Variants in BCO1 observed in about 807,000 individuals in gnomAD.
The protein encoded by BCO1 is beta,beta-carotene 15,15'-dioxygenase.
Under a neutral mutation model 56.3 loss-of-function variants are expected in BCO1, and 54 were observed. That is an observed-to-expected ratio of 0.96 (90% CI 0.77 to 1.20). The LOEUF is 1.20. BCO1 is among the 50% of genes most tolerant of loss of function. BCO1 has a pLI of 0.00. For missense variants in BCO1, 801 were observed against 690.9 expected (o/e 1.16, Z -1.79); for synonymous variants, 318 against 266.1 (o/e 1.20, Z -1.90).
At chr16:81,267,545 G>A (rs750792367) in intron 5 of BCO1, among the ~76,000 whole-genome samples, 10 of 152,314 alleles carry the variant, frequency 6.6e-5, no homozygotes, top group East Asian at 1.9e-4. Context: ...CCTGGGAGGC[G>A]GAGATTGAAG....
At chr16:81,255,669 G>T (rs1035414640) in intron 2 of BCO1, among the ~76,000 whole-genome samples, 12 of 151,652 alleles carry the variant, frequency 7.9e-5, no homozygotes, top group African/African-American at 2.7e-4. Flanking sequence ...ACCACACCCA[G>T]CTAATTTTTG....
At chr16:81,240,286 C>T (rs1420800179) in intron 1 of BCO1, among the ~76,000 whole-genome samples, 1 of 152,088 alleles carries the variant, frequency 6.6e-6, no homozygotes, top group Non-Finnish European at 1.5e-5. Flanking sequence ...CTTTTTAAAA[C>T]ATAGGTAGAT....
chr16:81,272,836 C>T (rs757484584), intron 7 of BCO1, among the ~76,000 whole-genome samples: 42 of 152,286 alleles, frequency 2.8e-4, no homozygotes, highest in Admixed American at 3.3e-4. Context: ...CTGTGGGAAA[C>T]GTCCCTGTAG....
chr16:81,267,863 G>C (rs759421910), intron 5 of BCO1, 45 bp from the exon 6 acceptor site: 1 of 1,575,968 alleles, frequency 6.3e-7, no homozygotes, highest in South Asian at 1.1e-5. Flanking sequence ...TGGGGGGGCA[G>C]CCAGATCCTG....
At chr16:81,251,207 G>T (rs767698450) in intron 2 of BCO1, among the ~76,000 whole-genome samples, 3 of 152,090 alleles carry the variant, frequency 2.0e-5, no homozygotes, top group Non-Finnish European at 2.9e-5. Flanking sequence ...GAAACAAAAA[G>T]GCAGAAAATA....
intron 8 of BCO1, among the ~76,000 whole-genome samples, chr16:81,281,303 G>A (rs910960537): frequency 2.0e-5 from 3 of 152,012 alleles, no homozygotes; most frequent in East Asian, 1.9e-4. Flanking sequence ...AAAATTAGCC[G>A]GGTGTGGTGG....
intron 1 of BCO1, 44 bp downstream of exon 1, chr16:81,239,016 TATTA>T: frequency 6.5e-7 from 1 of 1,530,412 alleles, no homozygotes; most frequent in Non-Finnish European, 8.8e-7. Flanking sequence ...CTATTTATTT[TATTA>T]TTTTTTTTTT....
chr16:81,269,991 G>T (rs1167479210), intron 6 of BCO1, among the ~76,000 whole-genome samples, 168 bp from the exon 7 acceptor site: 1 of 152,142 alleles, frequency 6.6e-6, no homozygotes, highest in Non-Finnish European at 1.5e-5. Context: ...CTCTCATTTT[G>T]GGGGGCACTT....
intron 1 of BCO1, among the ~76,000 whole-genome samples, chr16:81,241,069 G>A (rs1267561555): frequency 2.0e-5 from 3 of 152,224 alleles, no homozygotes; most frequent in Middle Eastern, 6.8e-3. Flanking sequence ...CCCAACCTCA[G>A]TTGATCCGCC....
Position 81,268,085 on chromosome 16 carries a change from G to A in BCO1, c.797G>A (p.Arg266Gln), listed in dbSNP as rs142844835. 1.3e-4 allele frequency: 210 copies of A among 1,612,362 alleles called. No individual in the cohort carries two copies. Among genetic ancestry groups the A allele is most frequent in the African/African-American group, 2.5e-4 (19 of 74,852 alleles). ...CTCAAGATGGCAACCGCATACATCCGGAGAATGAGCTGGGCCTCCTGCCTG... is the reference window on the plus strand; with the variant it reads ...CTCAAGATGGCAACCGCATACATCCAGAGAATGAGCTGGGCCTCCTGCCTG... ...DILKMATAYIRRMSWASCLAF... is the reference protein window; with the variant it reads ...DILKMATAYIQRMSWASCLAF... Residue 266 changes from arginine (R) to glutamine (Q), a missense_variant, in exon 6 of 11, where the codon CGG (arginine) becomes CAG (glutamine). Physicochemically the swap from Arg to Gln is conservative, Grantham distance 43. Transcript: ENST00000258168.
At chr16:81,276,266 C>T (rs978645337) in intron 7 of BCO1, among the ~76,000 whole-genome samples, 10 of 152,240 alleles carry the variant, frequency 6.6e-5, no homozygotes, top group Admixed American at 1.3e-4. Context: ...TCCAGGCTTT[C>T]TTTCTCTAGC....
chr16:81,260,934 A>T (rs1906446403), intron 3 of BCO1, among the ~76,000 whole-genome samples: 1 of 152,204 alleles, frequency 6.6e-6, no homozygotes, highest in African/African-American at 2.4e-5. Context: ...CTCTAGATGT[A>T]GAAGAGTTAT....
At chr16:81,248,293 C>G (rs1253450330) in intron 2 of BCO1, among the ~76,000 whole-genome samples, 1 of 150,936 alleles carries the variant, frequency 6.6e-6, no homozygotes, top group Admixed American at 6.6e-5. Flanking sequence ...ATCCCAGCTA[C>G]TTGGGAGGCT....
chr16:81,270,396 G>T lies in BCO1; in HGVS notation c.1081G>T (p.Val361Leu), dbSNP rs758970284. ...GGTCCCCACCCTCAGGAGGTTTGCCGTGCCCCTCCACGTGGACAAGGTAAT... is the reference window on the plus strand; with the variant it reads ...GGTCCCCACCCTCAGGAGGTTTGCCTTGCCCCTCCACGTGGACAAGGTAAT... ...TSVPTLRRFA[V>L]PLHVDKNAEV... is the part of the protein sequence containing the mutation. The change falls in exon 7 of 11, where the codon GTG (valine) becomes TTG (leucine). Residue 361 changes from valine to leucine, a missense_variant. By Grantham distance (32) the Val-to-Leu change is conservative. Transcript: ENST00000258168. 1 of 1,613,988 alleles carries T rather than the reference G, an allele frequency of 6.2e-7. No individual in the cohort carries two copies. Among genetic ancestry groups the T allele is most frequent in the Non-Finnish European group, 8.5e-7 (1 of 1,180,008 alleles).
chr16:81,245,746 A>T (rs937351523), intron 2 of BCO1, 143 bp downstream of exon 2: 4 of 1,034,388 alleles, frequency 3.9e-6, no homozygotes, highest in Non-Finnish European at 4.3e-6. Context: ...CAAGGTGTTC[A>T]TAGGGCCACA....
intron 1 of BCO1, among the ~76,000 whole-genome samples, chr16:81,243,838 C>T (rs1567696992): frequency 6.6e-6 from 1 of 152,138 alleles, no homozygotes; most frequent in African/African-American, 2.4e-5. Flanking sequence ...TTATTTGGCA[C>T]GTGATCCCAA....
intron 7 of BCO1, 83 bp downstream of exon 7, chr16:81,270,499 A>C: frequency 6.4e-7 from 1 of 1,569,160 alleles, no homozygotes; most frequent in Non-Finnish European, 8.7e-7. Flanking sequence ...TATTTGATTG[A>C]CATTGAAATC....
chr16:81,244,998 C>A (rs1024708273), intron 1 of BCO1, among the ~76,000 whole-genome samples: 2 of 152,256 alleles, frequency 1.3e-5, no homozygotes, highest in Middle Eastern at 3.4e-3. Flanking sequence ...TCAAGTGATT[C>A]TCCTGCCTCA....
intron 2 of BCO1, among the ~76,000 whole-genome samples, chr16:81,248,303 T>C (rs1261909264): frequency 6.8e-6 from 1 of 147,266 alleles, no homozygotes; most frequent in African/African-American, 2.5e-5. Flanking sequence ...CTTGGGAGGC[T>C]GAGACAGGAG....
Sources: gnomAD v4.1 joint callset for allele counts (sites outside exome capture counted in the v4.1 genomes callset) on GRCh38, gnomAD v4.1.1 for gene constraint, MANE v1.5 for transcripts, NCBI Gene and HGNC (gene_info 2026-07-23, HGNC 2026-07-21) for gene names.